The following KCNS3 variants were observed in gnomAD, a reference collection of about 807,000 sequenced individuals.
KCNS3 encodes potassium voltage-gated channel modifier subfamily S member 3, also known as delayed-rectifier potassium channel regulatory subunit KCNS3.
KCNS3 carries 13 observed loss-of-function variants against 31.0 expected under a neutral mutation model. The observed-to-expected ratio is 0.42, with a 90% CI of 0.27 to 0.67. KCNS3 has a LOEUF of 0.67. Among genes scored for constraint, KCNS3 ranks in the 30% least tolerant of loss-of-function variants. The pLI, the probability that KCNS3 is intolerant of heterozygous loss-of-function variation, is 0.25. For missense variants in KCNS3, 545 were observed against 622.4 expected (o/e 0.88, Z 1.32); for synonymous variants, 238 against 241.5 (o/e 0.99, Z 0.13).
chr2:17,884,737 A>G (rs553938593), intron 1 of KCNS3, among the ~76,000 whole-genome samples: 2 of 152,308 alleles, frequency 1.3e-5, no homozygotes, highest in African/African-American at 4.8e-5. Flanking sequence ...ATTAACAGAT[A>G]TATACCTCTG....
intron 1 of KCNS3, among the ~76,000 whole-genome samples, chr2:17,884,268 A>T (rs56072407): frequency 0.15 from 6,448 of 43,262 alleles, 350 homozygotes; most frequent in East Asian, 0.42. Flanking sequence ...AAAAAAAAAA[A>T]ATATATATAT....
intron 1 of KCNS3, among the ~76,000 whole-genome samples, chr2:17,898,182 A>G (rs1205293270): frequency 6.7e-6 from 1 of 149,742 alleles, no homozygotes; most frequent in Non-Finnish European, 1.5e-5. Context: ...TACCAGTACC[A>G]TGCTGTTTTA....
At chr2:17,926,808 C>A (rs1005507440) in intron 2 of KCNS3, among the ~76,000 whole-genome samples, 1 of 152,228 alleles carries the variant, frequency 6.6e-6, no homozygotes, top group Non-Finnish European at 1.5e-5. Flanking sequence ...CTGATATGCC[C>A]TGGAGAAATT....
At chr2:17,913,354 G>C (rs137945621) in intron 1 of KCNS3, among the ~76,000 whole-genome samples, 254 of 152,382 alleles carry the variant, frequency 1.7e-3, no homozygotes, top group African/African-American at 5.8e-3. Flanking sequence ...TCGGTCAGGA[G>C]TGGGCGTATT....
intron 1 of KCNS3, among the ~76,000 whole-genome samples, chr2:17,888,937 A>C (rs1299394565): frequency 1.3e-5 from 2 of 151,704 alleles, no homozygotes; most frequent in African/African-American, 4.8e-5. Flanking sequence ...TATGGATTTT[A>C]GAATTGTTTT....
intron 1 of KCNS3, among the ~76,000 whole-genome samples, chr2:17,913,742 T>C (rs78922183): frequency 2.6e-5 from 4 of 152,318 alleles, no homozygotes; most frequent in Non-Finnish European, 4.4e-5. Flanking sequence ...CCTGTACTTA[T>C]AGAGCATTGG....
intron 1 of KCNS3, among the ~76,000 whole-genome samples, chr2:17,890,580 C>CT (rs967211868): frequency 1.3e-5 from 2 of 152,094 alleles, no homozygotes; most frequent in African/African-American, 4.8e-5. Context: ...GAACTTTCCT[C>CT]TTAACACTGC....
chr2:17,878,634 G>A (rs1387935293), upstream of KCNS3: 1 of 148,412 alleles, frequency 6.7e-6, no homozygotes, highest in Non-Finnish European at 1.5e-5. Flanking sequence ...CAGCTCCCGG[G>A]AGCCTCGCTC....
intron 2 of KCNS3, among the ~76,000 whole-genome samples, chr2:17,927,753 A>G (rs1662870314): frequency 6.6e-6 from 1 of 152,186 alleles, no homozygotes; most frequent in Non-Finnish European, 1.5e-5. Context: ...GGGCATCACA[A>G]TTGGAGATGA....
intron 1 of KCNS3, among the ~76,000 whole-genome samples, chr2:17,909,330 G>A (rs760044771): frequency 6.6e-6 from 1 of 152,160 alleles, no homozygotes; most frequent in East Asian, 1.9e-4. Context: ...GGGTGGGAGT[G>A]ACCTGATTTT....
chr2:17,903,231 C>T (rs1048978112), intron 1 of KCNS3, among the ~76,000 whole-genome samples: 2 of 152,126 alleles, frequency 1.3e-5, no homozygotes, highest in African/African-American at 4.8e-5. Context: ...AAGAATTTAC[C>T]ATGTGTCACA....
chr2:17,879,976 C>G (rs528852201), intron 1 of KCNS3, among the ~76,000 whole-genome samples: 10 of 152,252 alleles, frequency 6.6e-5, no homozygotes, highest in African/African-American at 2.4e-4. Context: ...TTCACCCTAC[C>G]CTCTGAAAAT....
In KCNS3 at chr2:17,931,771, C is replaced by G. The variant is rs751723451; in HGVS notation, c.763C>G (p.Leu255Val). The change falls in exon 3 of 3, where the codon CTG (leucine) becomes GTG (valine). Residue 255 changes from leucine to valine, a missense_variant. Transcript: ENST00000304101. This position sits in a 1 kb window ranked among gnomAD's most constrained non-coding sequence, Gnocchi z 5.4. Reference sequence around the variant, plus strand: ...TCAAAAGAAATTCTGGAAAAACCCTCTGAACATCATTGACTTTGTCTCTAT... The same window carrying G: ...TCAAAAGAAATTCTGGAAAAACCCTGTGAACATCATTGACTTTGTCTCTAT... ...PCQKKFWKNP[L>V]NIIDFVSIIP... is the part of the protein sequence containing the mutation. 3.8e-5 allele frequency: 62 copies of G among 1,613,982 alleles called. No individual in the cohort carries two copies. The highest frequency in any genetic ancestry group is 5.3e-5 in the Non-Finnish European group (62 of 1,179,964).
intron 1 of KCNS3, among the ~76,000 whole-genome samples, chr2:17,892,083 T>C (rs1661871317): frequency 1.3e-5 from 2 of 152,200 alleles, no homozygotes; most frequent in Non-Finnish European, 2.9e-5. Flanking sequence ...TTTGGTCATG[T>C]AACATAATCC....
At chr2:17,904,641 A>G (rs1368607671) in intron 1 of KCNS3, among the ~76,000 whole-genome samples, 24 of 152,026 alleles carry the variant, frequency 1.6e-4, no homozygotes, top group African/African-American at 4.1e-4. Context: ...TTTGTATAAG[A>G]TGTAAGGAAG....
intron 2 of KCNS3, among the ~76,000 whole-genome samples, chr2:17,920,709 G>A (rs569340266): frequency 3.9e-5 from 6 of 152,332 alleles, no homozygotes; most frequent in Admixed American, 3.9e-4. Flanking sequence ...TTAGCTTTAA[G>A]AAGAGAATGA....
chr2:17,922,391 T>C (rs1485737700), intron 2 of KCNS3, among the ~76,000 whole-genome samples: 1 of 152,136 alleles, frequency 6.6e-6, no homozygotes, highest in Admixed American at 6.6e-5. Context: ...AAATGATAAA[T>C]AGAAATAGAG....
At chr2:17,894,358 A>G (rs1661969793) in intron 1 of KCNS3, among the ~76,000 whole-genome samples, 1 of 152,136 alleles carries the variant, frequency 6.6e-6, no homozygotes, top group African/African-American at 2.4e-5. Flanking sequence ...ATCCATGCAA[A>G]CACACACCCT....
rs912304240 is a variant in KCNS3 at position 17,931,377 on chromosome 2, A to G, written c.369A>G (p.Glu123=). 3 of 1,614,052 alleles carry G rather than the reference A, an allele frequency of 1.9e-6. No individual in the cohort carries two copies. Among genetic ancestry groups the G allele is most frequent in the African/African-American group, 2.7e-5 (2 of 74,920 alleles). Residue 123 remains glutamate (E), a synonymous_variant, in exon 3 of 3, where the codon GAA becomes GAG. Transcript: ENST00000304101. The surrounding 1 kb of genome is among the most constrained non-coding windows in gnomAD (Gnocchi z 5.4). ...IDSCCSNRYQ[E]RKEENHEKDW... ...CTTGCTGCAGCAATCGCTACCAGGAACGCAAGGAGGAAAACCACGAGAAGG... is the reference window on the plus strand; with the variant it reads ...CTTGCTGCAGCAATCGCTACCAGGAGCGCAAGGAGGAAAACCACGAGAAGG...
Sources: gnomAD v4.1 joint callset for allele counts (sites outside exome capture counted in the v4.1 genomes callset) on GRCh38, gnomAD v4.1.1 for gene constraint, Gnocchi (gnomAD v3.1) non-coding constraint, MANE v1.5 for transcripts, NCBI Gene and HGNC (gene_info 2026-07-23, HGNC 2026-07-21) for gene names.